Variants in TMEM131 observed in about 807,000 individuals in gnomAD.
TMEM131 encodes 2610524E03Rik.
Under a neutral mutation model 211.6 loss-of-function variants are expected in TMEM131, and 66 were observed. That is an observed-to-expected ratio of 0.31 (90% confidence interval 0.26 to 0.38). The LOEUF (loss-of-function observed/expected upper bound fraction) is 0.38, where lower values mean the gene tolerates loss of function less well. Among genes scored for constraint, TMEM131 ranks in the 10% least tolerant of loss-of-function variants. The pLI is 1.00. For synonymous variants in TMEM131, 844 were observed against 841.3 expected (o/e 1.00, Z -0.06); for missense variants, 2,036 against 2,299.3 (o/e 0.89, Z 2.34).
chr2:97,799,344 T>A (rs1423185251), intron 25 of TMEM131, among the ~76,000 whole-genome samples: 1 of 152,194 alleles, frequency 6.6e-6, no homozygotes, highest in African/African-American at 2.4e-5. Flanking sequence ...TTCTGTGGGA[T>A]ACAATGGGAA....
intron 6 of TMEM131, among the ~76,000 whole-genome samples, chr2:97,842,285 C>T (rs908174921): frequency 1.3e-5 from 2 of 152,196 alleles, no homozygotes; most frequent in Non-Finnish European, 2.9e-5. Flanking sequence ...CTCTCAAATA[C>T]CAAGCCCAGC....
intron 31 of TMEM131, among the ~76,000 whole-genome samples, chr2:97,787,698 A>C (rs1680317264): frequency 6.6e-6 from 1 of 152,164 alleles, no homozygotes; most frequent in East Asian, 1.9e-4. Flanking sequence ...ACCTACTTTT[A>C]CAGTCTTCTG....
intron 12 of TMEM131, among the ~76,000 whole-genome samples, chr2:97,817,838 C>CTT (rs774103749): frequency 9.2e-5 from 14 of 152,174 alleles, no homozygotes; most frequent in Non-Finnish European, 1.6e-4. Context: ...TATGTGGACT[C>CTT]TGAGCACAGA....
chr2:97,980,189 T>G (rs540917307), intron 1 of TMEM131, among the ~76,000 whole-genome samples: 21 of 152,134 alleles, frequency 1.4e-4, no homozygotes, highest in Non-Finnish European at 2.6e-4. Context: ...CATTACAGAT[T>G]TAATACTGAA....
chr2:97,891,632 C>T (rs1296864147), intron 3 of TMEM131, among the ~76,000 whole-genome samples: 1 of 152,120 alleles, frequency 6.6e-6, no homozygotes, highest in East Asian at 1.9e-4. Context: ...ACTGTCAGGT[C>T]AAAGTTGAGC....
At chr2:97,912,680 GAC>G (rs1035357418) in intron 2 of TMEM131, among the ~76,000 whole-genome samples, 2 of 152,162 alleles carry the variant, frequency 1.3e-5, no homozygotes, top group Non-Finnish European at 2.9e-5. Context: ...TGAGTTTGGA[GAC>G]ACCTTTCCTA....
chr2:97,773,548 G>GC (rs1679567354), intron 32 of TMEM131, among the ~76,000 whole-genome samples: 1 of 152,138 alleles, frequency 6.6e-6, no homozygotes, highest in Non-Finnish European at 1.5e-5. Context: ...TACAGAACCT[G>GC]CCCCACGGAT....
At chr2:97,807,602 A>C (rs904574220) in intron 19 of TMEM131, among the ~76,000 whole-genome samples, 8 of 152,194 alleles carry the variant, frequency 5.3e-5, no homozygotes, top group Admixed American at 2.6e-4. Context: ...TTTTTTAAAA[A>C]TAAATCACCC....
intron 13 of TMEM131, 125 bp downstream of exon 13, chr2:97,815,074 C>A (rs1473958406): frequency 4.0e-6 from 2 of 504,166 alleles, no homozygotes; most frequent in African/African-American, 4.0e-5. Context: ...TGGGGCTGTT[C>A]TTTCAAAAAA....
intron 1 of TMEM131, among the ~76,000 whole-genome samples, chr2:97,962,460 C>G (rs1296144647): frequency 6.6e-6 from 1 of 152,008 alleles, no homozygotes; most frequent in Non-Finnish European, 1.5e-5. Flanking sequence ...GCTGAGATAG[C>G]GCCACTGCAC....
intron 4 of TMEM131, among the ~76,000 whole-genome samples, chr2:97,870,846 C>T (rs1199121573): frequency 1.3e-5 from 2 of 152,172 alleles, no homozygotes; most frequent in Non-Finnish European, 2.9e-5. Flanking sequence ...CTTTCAAAAA[C>T]ATTTTAGATT....
At chr2:97,807,172 G>A (rs562491512) in intron 19 of TMEM131, among the ~76,000 whole-genome samples, 1 of 152,280 alleles carries the variant, frequency 6.6e-6, no homozygotes, top group South Asian at 2.1e-4. Flanking sequence ...TGGTAATATA[G>A]AGGTAATTTA....
intron 4 of TMEM131, among the ~76,000 whole-genome samples, chr2:97,873,436 G>A (rs199578140): frequency 1.1e-4 from 17 of 152,188 alleles, no homozygotes; most frequent in African/African-American, 2.7e-4. Flanking sequence ...GTCCCTGACC[G>A]CCGTGTATCC....
chr2:97,905,102 C>T (rs1263386885), intron 3 of TMEM131, among the ~76,000 whole-genome samples: 2 of 152,094 alleles, frequency 1.3e-5, no homozygotes. Flanking sequence ...GTGTTTTCAC[C>T]TCAAATGGTT....
At chr2:97,948,361 C>G (rs1300956000) in intron 1 of TMEM131, among the ~76,000 whole-genome samples, 1 of 151,918 alleles carries the variant, frequency 6.6e-6, no homozygotes, top group African/African-American at 2.4e-5. Flanking sequence ...AGAAAACAAA[C>G]AGCTCAATTT....
chr2:97,990,491 C>CA (rs1418559571), intron 1 of TMEM131, among the ~76,000 whole-genome samples: 2 of 152,202 alleles, frequency 1.3e-5, no homozygotes, highest in Non-Finnish European at 2.9e-5. Flanking sequence ...ATCCTGGCTC[C>CA]ACTATTTACC....
At chr2:97,810,181 CT>C (rs1005395003) in intron 18 of TMEM131, among the ~76,000 whole-genome samples, 162 of 151,084 alleles carry the variant, frequency 1.1e-3, no homozygotes, top group African/African-American at 3.2e-3. Context: ...AGTTATATAG[CT>C]TTTTTTTTGA....
intron 5 of TMEM131, among the ~76,000 whole-genome samples, chr2:97,852,800 G>A (rs911059636): frequency 6.6e-6 from 1 of 152,176 alleles, no homozygotes; most frequent in Non-Finnish European, 1.5e-5. Context: ...AAGCTTCAAA[G>A]GACAGGCTGA....
intron 19 of TMEM131, among the ~76,000 whole-genome samples, chr2:97,809,313 C>A (rs112176021): frequency 6.6e-6 from 1 of 152,196 alleles, no homozygotes; most frequent in South Asian, 2.1e-4. Flanking sequence ...GTTGAGCTTG[C>A]GCCCTGGCCC....
Sources: gnomAD v4.1 joint callset for allele counts (sites outside exome capture counted in the v4.1 genomes callset) on GRCh38, gnomAD v4.1.1 for gene constraint, MANE v1.5 for transcripts, NCBI Gene and HGNC (gene_info 2026-07-23, HGNC 2026-07-21) for gene names.